RELN: variants seen among roughly 807,000 people sequenced by gnomAD.
RELN encodes reelin.
Under a neutral mutation model 427.6 loss-of-function variants are expected in RELN, and 108 were observed. That is an observed-to-expected ratio of 0.25 (90% CI 0.22 to 0.30). The LOEUF is 0.30. RELN is among the 10% of genes least tolerant of loss of function. RELN has a pLI of 1.00. For missense variants in RELN, 3,715 were observed against 4,302.8 expected (o/e 0.86, Z 3.82); for synonymous variants, 1,524 against 1,513.4 (o/e 1.01, Z -0.16).
At chr7:103,923,218 T>C (rs1035076633) in intron 1 of RELN, among the ~76,000 whole-genome samples, 32 of 152,322 alleles carry the variant, frequency 2.1e-4, no homozygotes, top group African/African-American at 7.7e-4. Flanking sequence ...GCATATTTGC[T>C]GCAAAATTTC....
chr7:103,478,179 T>G (rs1372364601), intron 64 of RELN, among the ~76,000 whole-genome samples: 4 of 152,186 alleles, frequency 2.6e-5, no homozygotes, highest in Non-Finnish European at 5.9e-5. Flanking sequence ...TTGTATATAT[T>G]AGGGACTTAT....
At chr7:103,760,188 T>C (rs1172318088) in intron 4 of RELN, among the ~76,000 whole-genome samples, 1 of 151,840 alleles carries the variant, frequency 6.6e-6, no homozygotes, top group East Asian at 1.9e-4. Flanking sequence ...CAATATTAAA[T>C]TGAAGCCTAA....
rs1425376005 is a variant in RELN at position 103,630,864 on chromosome 7, T to TG, written c.2466-689_2466-688insC. 2.0e-3 allele frequency among the ~76,000 whole-genome samples: 304 copies of TG among 150,096 alleles called. 2 individuals carry two copies. The highest frequency in any genetic ancestry group is 5.0e-3 in the African/African-American group (205 of 40,948). On this transcript the variant is annotated intron_variant, in intron 19 of 64. Coordinates refer to ENST00000428762, the MANE Select transcript of RELN (RefSeq NM_005045.4). ...AGTTATTTTTTTGTTTTTTTTGTTT[T>TG]TTTTTTTTTTGTTTTTTAACTAATG...
In RELN at chr7:103,692,292, T is replaced by C. The variant is rs118140286; in HGVS notation, c.1143+5561A>G. On this transcript the variant is annotated intron_variant, in intron 10 of 64. Coordinates refer to ENST00000428762, the MANE Select transcript of RELN (RefSeq NM_005045.4). The stretch of plus-strand genomic sequence containing the variant: ...AAGCATGCATGATCTGCCTGAGAGA[T>C]GCTTTGGGGTGAGTGAGCCCCAGCT... Among the ~76,000 whole-genome samples the C allele has an allele frequency of 1.2e-4, 18 of 152,238 alleles. No homozygotes were observed. In the East Asian group the frequency reaches 3.1e-3, roughly 26 times the overall value.
intron 19 of RELN, among the ~76,000 whole-genome samples, chr7:103,633,737 T>C (rs549616492): frequency 1.3e-5 from 2 of 152,278 alleles, no homozygotes; most frequent in African/African-American, 4.8e-5. Context: ...GATTACTGAA[T>C]TTTGCAGCTG....
intron 1 of RELN, among the ~76,000 whole-genome samples, chr7:103,939,618 C>G (rs1341504422): frequency 6.6e-6 from 1 of 152,176 alleles, no homozygotes; most frequent in Non-Finnish European, 1.5e-5. Flanking sequence ...GCTCCTTGAT[C>G]TAGCAATTAC....
chr7:103,643,431 T>C (rs748790631), intron 16 of RELN, among the ~76,000 whole-genome samples: 7 of 152,042 alleles, frequency 4.6e-5, no homozygotes, highest in African/African-American at 7.2e-5. Flanking sequence ...AAACTACAGC[T>C]TCTGTTTGTA....
chr7:103,813,043 C>A (rs1584260949), intron 3 of RELN, among the ~76,000 whole-genome samples: 1 of 152,104 alleles, frequency 6.6e-6, no homozygotes, highest in African/African-American at 2.4e-5. Context: ...AACATCTCTC[C>A]GTTTAGTATC....
At chr7:103,833,387 T>C (rs139765861) in intron 3 of RELN, 150 bp downstream of exon 3, 1 of 799,914 alleles carries the variant, frequency 1.3e-6, no homozygotes, top group African/African-American at 1.7e-5. Context: ...TTTAAAAAAG[T>C]TTTTACCTTT....
chr7:103,628,479 A>T (rs1562929783), intron 20 of RELN: 2 of 152,240 alleles, frequency 1.3e-5, no homozygotes, highest in Non-Finnish European at 2.9e-5. Context: ...ATCCAGTTTG[A>T]CAGTGCTTGC....
chr7:103,720,544 C>T (rs1474306362), intron 8 of RELN, among the ~76,000 whole-genome samples: 4 of 152,144 alleles, frequency 2.6e-5, no homozygotes, highest in African/African-American at 9.6e-5. Context: ...ACTAACTGGA[C>T]ATATTATTAT....
chr7:103,511,589 A>G (rs931321511), intron 50 of RELN, among the ~76,000 whole-genome samples: 5 of 152,180 alleles, frequency 3.3e-5, no homozygotes, highest in Non-Finnish European at 7.3e-5. Context: ...TTTAAAACAT[A>G]CATCTTGGCT....
chr7:103,478,880 C>T (rs1013340520), intron 63 of RELN, among the ~76,000 whole-genome samples: 6 of 151,988 alleles, frequency 3.9e-5, no homozygotes, highest in African/African-American at 1.2e-4. Flanking sequence ...TGCTCATTTC[C>T]GTAAATCATT....
At chr7:103,940,394 C>T (rs536939442) in intron 1 of RELN, among the ~76,000 whole-genome samples, 3 of 152,210 alleles carry the variant, frequency 2.0e-5, no homozygotes, top group Non-Finnish European at 2.9e-5. Context: ...GTTATGTGTT[C>T]AAACTATTAG....
chr7:103,650,650 G>A (rs1832896977), intron 15 of RELN, among the ~76,000 whole-genome samples: 1 of 152,048 alleles, frequency 6.6e-6, no homozygotes, highest in Non-Finnish European at 1.5e-5. Context: ...GTTAGAGACA[G>A]GGTCTTGCTC....
At chr7:103,663,067 A>G (rs1833180438) in intron 11 of RELN, among the ~76,000 whole-genome samples, 1 of 152,126 alleles carries the variant, frequency 6.6e-6, no homozygotes, top group Non-Finnish European at 1.5e-5. Context: ...CTTTTTGTCT[A>G]TCAAACAAAC....
intron 10 of RELN, among the ~76,000 whole-genome samples, chr7:103,694,261 TACTC>T (rs1833931553): frequency 6.6e-6 from 1 of 152,124 alleles, no homozygotes; most frequent in South Asian, 2.1e-4. Flanking sequence ...GCACGTCAGT[TACTC>T]ACTACTTGTG....
intron 2 of RELN, among the ~76,000 whole-genome samples, chr7:103,837,082 T>C (rs1379641814): frequency 6.6e-6 from 1 of 152,238 alleles, no homozygotes. Flanking sequence ...TTAATGTTTC[T>C]GAATGTTATT....
intron 6 of RELN, among the ~76,000 whole-genome samples, chr7:103,736,620 G>A (rs969281039): frequency 2.6e-5 from 4 of 152,090 alleles, no homozygotes; most frequent in Admixed American, 2.0e-4. Flanking sequence ...CGTTATTTGG[G>A]TTAAAAATAA....
Sources: allele counts gnomAD v4.1 joint callset (sites outside exome capture counted in the v4.1 genomes callset), GRCh38; gene constraint gnomAD v4.1.1; transcripts MANE v1.5; gene names NCBI Gene and HGNC (gene_info 2026-07-23, HGNC 2026-07-21).